AP1S3: variants seen among roughly 807,000 people sequenced by gnomAD.
AP1S3 encodes the protein adaptor related protein complex 1 subunit sigma 3, also known as AP-1 complex subunit sigma-3.
Under a neutral mutation model 20.9 loss-of-function variants are expected in AP1S3, and 10 were observed. The observed-to-expected ratio is 0.48, with a 90% CI of 0.29 to 0.81. AP1S3 has a LOEUF of 0.81. Ranked by LOEUF, AP1S3 falls within the 30% of genes least tolerant of loss-of-function variation. The probability of loss-of-function intolerance (pLI) is 0.08; values close to 1 mark genes in which losing one functional copy is unlikely to be tolerated. For missense variants in AP1S3, 154 were observed against 183.8 expected (o/e 0.84, Z 0.94); for synonymous variants, 41 against 61.5 (o/e 0.67, Z 1.56).
At chr2:223,785,175 T>C (rs1356349031) in intron 1 of AP1S3, among the ~76,000 whole-genome samples, 1 of 152,052 alleles carries the variant, frequency 6.6e-6, no homozygotes, top group Non-Finnish European at 1.5e-5. Context: ...TCTCCATCTC[T>C]ACTAAAAATA....
intron 1 of AP1S3, among the ~76,000 whole-genome samples, chr2:223,784,059 G>A (rs1179923034): frequency 2.6e-5 from 1 of 38,346 alleles, no homozygotes; most frequent in East Asian, 5.2e-3. Flanking sequence ...TCCCAAACCC[G>A]ATCAGCACCC....
At chr2:223,824,172 G>GT (rs1235825518) in intron 1 of AP1S3, among the ~76,000 whole-genome samples, 2 of 149,774 alleles carry the variant, frequency 1.3e-5, no homozygotes, top group African/African-American at 4.9e-5. Flanking sequence ...GCTAACTTTT[G>GT]TATTTTTTTT....
chr2:223,820,078 C>A (rs1047551772), intron 1 of AP1S3, among the ~76,000 whole-genome samples: 3 of 152,110 alleles, frequency 2.0e-5, no homozygotes, highest in African/African-American at 7.2e-5. Context: ...CTCCAGAATT[C>A]CTTTCTATTG....
chr2:223,822,668 G>C (rs965691447), intron 1 of AP1S3, among the ~76,000 whole-genome samples: 1 of 151,920 alleles, frequency 6.6e-6, no homozygotes, highest in African/African-American at 2.4e-5. Context: ...TGGGCAATAA[G>C]AGCAAAACTC....
intron 3 of AP1S3, among the ~76,000 whole-genome samples, chr2:223,774,667 A>AT (rs1456466219): frequency 2.0e-5 from 3 of 152,140 alleles, no homozygotes; most frequent in Admixed American, 2.0e-4. Context: ...AAGTGAACCT[A>AT]TATTAGTGAG....
intron 1 of AP1S3, among the ~76,000 whole-genome samples, chr2:223,811,413 C>CA (rs1178047646): frequency 6.6e-6 from 1 of 151,362 alleles, no homozygotes; most frequent in African/African-American, 2.4e-5. Flanking sequence ...ACTAAAAATA[C>CA]AAAAAATTAG....
intron 1 of AP1S3, among the ~76,000 whole-genome samples, chr2:223,793,193 G>A (rs1282887712): frequency 1.3e-5 from 2 of 152,080 alleles, no homozygotes; most frequent in Non-Finnish European, 2.9e-5. Context: ...AGGCAGAAAC[G>A]CCAATTGACT....
chr2:223,797,753 A>T (rs1691377050), intron 1 of AP1S3, among the ~76,000 whole-genome samples: 1 of 152,148 alleles, frequency 6.6e-6, no homozygotes, highest in South Asian at 2.1e-4. Context: ...GCCAAAGAGC[A>T]AAACTCCGTC....
intron 3 of AP1S3, chr2:223,773,215 T>C (rs1248007956): frequency 8.5e-7 from 1 of 1,173,492 alleles, no homozygotes; most frequent in African/African-American, 1.6e-5. Context: ...TCAGCCCCAA[T>C]TCACATTATC....
At chr2:223,833,452 C>T (rs1024627086) in intron 1 of AP1S3, among the ~76,000 whole-genome samples, 1 of 152,148 alleles carries the variant, frequency 6.6e-6, no homozygotes, top group African/African-American at 2.4e-5. Context: ...ACAGTTGCTT[C>T]AAACAGTGTG....
chr2:223,767,255 T>C (rs895290455), intron 3 of AP1S3, among the ~76,000 whole-genome samples: 1 of 152,120 alleles, frequency 6.6e-6, no homozygotes, highest in Non-Finnish European at 1.5e-5. Flanking sequence ...CTCAGCCACA[T>C]GTGGTACTCT....
At chr2:223,788,002 G>A (rs1691115844) in intron 1 of AP1S3, among the ~76,000 whole-genome samples, 1 of 152,038 alleles carries the variant, frequency 6.6e-6, no homozygotes, top group Non-Finnish European at 1.5e-5. Context: ...TGTCATCCAG[G>A]CTGGAGCGCA....
At chr2:223,787,574 C>T (rs771238607) in intron 1 of AP1S3, among the ~76,000 whole-genome samples, 11 of 152,200 alleles carry the variant, frequency 7.2e-5, no homozygotes, top group Non-Finnish European at 1.6e-4. Context: ...AGATAGGTCT[C>T]CCCATAGAAT....
intron 3 of AP1S3, among the ~76,000 whole-genome samples, chr2:223,774,780 A>G (rs1056954204): frequency 2.6e-5 from 4 of 152,356 alleles, no homozygotes; most frequent in Non-Finnish European, 5.9e-5. Flanking sequence ...TTTGCACTGA[A>G]GGATCCTGGA....
chr2:223,775,634 A>C (rs1170211394), intron 3 of AP1S3, among the ~76,000 whole-genome samples: 1 of 152,214 alleles, frequency 6.6e-6, no homozygotes, highest in Non-Finnish European at 1.5e-5. Flanking sequence ...TGAGGCCAAG[A>C]GTTCAAGACC....
chr2:223,759,399 G>A (rs759426129), intron 4 of AP1S3, among the ~76,000 whole-genome samples: 12 of 152,146 alleles, frequency 7.9e-5, no homozygotes, highest in Non-Finnish European at 7.3e-5. Flanking sequence ...ACCACATCCA[G>A]GTACGTGTAT....
intron 1 of AP1S3, among the ~76,000 whole-genome samples, chr2:223,803,662 G>A (rs1320409517): frequency 6.6e-6 from 1 of 151,976 alleles, no homozygotes; most frequent in African/African-American, 2.4e-5. Flanking sequence ...GGCGAATCAT[G>A]AAGTCAGGAG....
At chr2:223,765,804 T>C (rs568729176) in intron 3 of AP1S3, among the ~76,000 whole-genome samples, 1 of 152,310 alleles carries the variant, frequency 6.6e-6, no homozygotes, top group South Asian at 2.1e-4. Flanking sequence ...CAAAATTATG[T>C]CACAGCCAGT....
At chr2:223,777,018 T>C (rs1690799179) in intron 2 of AP1S3, among the ~76,000 whole-genome samples, 1 of 152,244 alleles carries the variant, frequency 6.6e-6, no homozygotes, top group Non-Finnish European at 1.5e-5. Flanking sequence ...AAATATTGTA[T>C]TTGGTTACTT....
Sources: gnomAD v4.1 joint callset for allele counts (sites outside exome capture counted in the v4.1 genomes callset) on GRCh38, gnomAD v4.1.1 for gene constraint, MANE v1.5 for transcripts, NCBI Gene and HGNC (gene_info 2026-07-23, HGNC 2026-07-21) for gene names.